Variants in DDAH1 observed in about 807,000 individuals in gnomAD.
DDAH1 encodes dimethylarginine dimethylaminohydrolase 1.
In DDAH1, 19 loss-of-function variants were observed where a neutral mutation model predicts 28.8. That is an observed-to-expected ratio of 0.66 (90% CI 0.46 to 0.97). The LOEUF is 0.97. DDAH1 is among the 50% of genes least tolerant of loss of function. The probability of loss-of-function intolerance (pLI) is 0.00; values close to 1 mark genes in which losing one functional copy is unlikely to be tolerated. For synonymous variants in DDAH1, 153 were observed against 154.4 expected (o/e 0.99, Z 0.07); for missense variants, 326 against 375.9 (o/e 0.87, Z 1.10).
intron 1 of DDAH1, among the ~76,000 whole-genome samples, chr1:85,363,374 G>A (rs1649890641): frequency 6.6e-6 from 1 of 152,182 alleles, no homozygotes; most frequent in South Asian, 2.1e-4. Context: ...TGTGCTAGAA[G>A]CTGTGCTATC....
chr1:85,534,943 G>A (rs1257643847), intron 1 of DDAH1, among the ~76,000 whole-genome samples: 2 of 151,976 alleles, frequency 1.3e-5, no homozygotes, highest in Non-Finnish European at 1.5e-5. Flanking sequence ...GTGTATACAC[G>A]TGACCAAAAA....
At chr1:85,476,126 T>G (rs761839871) in intron 2 of DDAH1, among the ~76,000 whole-genome samples, 1 of 152,210 alleles carries the variant, frequency 6.6e-6, no homozygotes, top group Non-Finnish European at 1.5e-5. Context: ...CCTCCCAAAG[T>G]GCTGGGATTA....
intron 1 of DDAH1, among the ~76,000 whole-genome samples, chr1:85,496,922 G>A (rs544516668): frequency 6.6e-6 from 1 of 152,208 alleles, no homozygotes; most frequent in East Asian, 1.9e-4. Context: ...AATATAACAC[G>A]TACTATCTTC....
At chr1:85,397,099 G>A (rs1186051448) in intron 1 of DDAH1, among the ~76,000 whole-genome samples, 1 of 151,730 alleles carries the variant, frequency 6.6e-6, no homozygotes, top group Admixed American at 6.6e-5. Context: ...CATAATTTTG[G>A]TTATTATGTT....
chr1:85,391,445 C>T (rs1416058529), intron 1 of DDAH1, among the ~76,000 whole-genome samples: 7 of 152,048 alleles, frequency 4.6e-5, no homozygotes, highest in South Asian at 4.2e-4. Flanking sequence ...CCAGCCTGGG[C>T]GACAGAGTGA....
intron 4 of DDAH1, among the ~76,000 whole-genome samples, chr1:85,331,014 C>A (rs1168082920): frequency 6.6e-6 from 1 of 152,192 alleles, no homozygotes; most frequent in African/African-American, 2.4e-5. Context: ...ATCATTGTGG[C>A]CACACTGTCA....
At position 85,450,236 on chromosome 1, in the gene DDAH1, A is replaced by G. The variant is rs547329205; in HGVS notation, c.303+14507T>C. 5.3e-5 allele frequency among the ~76,000 whole-genome samples: 8 copies of G among 152,344 alleles called. No individual in the cohort carries two copies. In the South Asian group the frequency reaches 1.7e-3, roughly 32 times the overall value. ...ATGAGGGCAGGCATCATATTTGTTTACTTTATGTTTTGCATGTAGTAGGCA... is the reference window on the plus strand; with the variant it reads ...ATGAGGGCAGGCATCATATTTGTTTGCTTTATGTTTTGCATGTAGTAGGCA... On this transcript the variant is annotated intron_variant, in intron 1 of 5. Coordinates refer to ENST00000284031, the MANE Select transcript of DDAH1 (RefSeq NM_012137.4).
upstream of DDAH1, among the ~76,000 whole-genome samples, chr1:85,466,832 C>CTTTTTTTTTTT (rs10675813): frequency 4.4e-3 from 313 of 70,702 alleles, 42 homozygotes; most frequent in East Asian, 6.0e-3. Flanking sequence ...ATTATTTATT[C>CTTTTTTTTTTT]TTTTTTTTTT....
chr1:85,348,912 C>T (rs950262785), intron 4 of DDAH1, among the ~76,000 whole-genome samples: 4 of 152,146 alleles, frequency 2.6e-5, no homozygotes, highest in Admixed American at 2.0e-4. Flanking sequence ...CTAGTTGGTC[C>T]ACCCAGAAGA....
intron 1 of DDAH1, among the ~76,000 whole-genome samples, chr1:85,507,314 G>C (rs1300390315): frequency 2.6e-5 from 4 of 151,962 alleles, no homozygotes; most frequent in Admixed American, 2.0e-4. Flanking sequence ...ACCAGTCTAG[G>C]CAACATGGTG....
chr1:85,344,605 TTTCC>T (rs1254702045), intron 4 of DDAH1, among the ~76,000 whole-genome samples: 2 of 141,514 alleles, frequency 1.4e-5, no homozygotes, highest in Admixed American at 7.0e-5. Context: ...TCCCTTCATC[TTTCC>T]TTCCTTAAGA....
intron 4 of DDAH1, among the ~76,000 whole-genome samples, chr1:85,344,642 C>A (rs906373219): frequency 1.4e-5 from 2 of 143,510 alleles, no homozygotes; most frequent in African/African-American, 5.1e-5. Context: ...CTCCAATTGA[C>A]TGGAAGAGTG....
At chr1:85,380,045 T>C (rs1650896787) in intron 1 of DDAH1, among the ~76,000 whole-genome samples, 1 of 152,210 alleles carries the variant, frequency 6.6e-6, no homozygotes, top group Non-Finnish European at 1.5e-5. Flanking sequence ...AACCCAAGCT[T>C]ACCTAACATT....
chr1:85,392,748 G>A (rs1281096650), intron 1 of DDAH1, among the ~76,000 whole-genome samples: 9 of 146,814 alleles, frequency 6.1e-5, no homozygotes, highest in African/African-American at 1.5e-4. Flanking sequence ...AGCCGAGATC[G>A]CGCCACTGCA....
chr1:85,355,764 A>G (rs1010319461), intron 2 of DDAH1, among the ~76,000 whole-genome samples: 2 of 152,206 alleles, frequency 1.3e-5, no homozygotes, highest in African/African-American at 4.8e-5. Flanking sequence ...CATCAGTAGT[A>G]AAATTAATAC....
chr1:85,527,739 A>G (rs1484209229), intron 1 of DDAH1, among the ~76,000 whole-genome samples: 2 of 152,204 alleles, frequency 1.3e-5, no homozygotes, highest in Non-Finnish European at 2.9e-5. Flanking sequence ...CTTAGAGTAG[A>G]TGAATGAATG....
At chr1:85,559,099 T>C (rs1442016077) in intron 1 of DDAH1, among the ~76,000 whole-genome samples, 1 of 152,076 alleles carries the variant, frequency 6.6e-6, no homozygotes, top group Non-Finnish European at 1.5e-5. Context: ...TAATGAAAGG[T>C]ATAAGAAAGG....
chr1:85,400,620 T>C (rs1442215608), intron 1 of DDAH1, among the ~76,000 whole-genome samples: 1 of 152,208 alleles, frequency 6.6e-6, no homozygotes, highest in Non-Finnish European at 1.5e-5. Flanking sequence ...TTTATATCAT[T>C]ACGCACTGTC....
At chr1:85,447,250 C>A (rs1005298335) in intron 1 of DDAH1, among the ~76,000 whole-genome samples, 2 of 152,148 alleles carry the variant, frequency 1.3e-5, no homozygotes, top group African/African-American at 2.4e-5. Context: ...TGAATTCAGT[C>A]TATTTATAGG....
Sources: allele counts gnomAD v4.1 joint callset (sites outside exome capture counted in the v4.1 genomes callset), GRCh38; gene constraint gnomAD v4.1.1; transcripts MANE v1.5; gene names NCBI Gene and HGNC (gene_info 2026-07-23, HGNC 2026-07-21).